ISL1: variants seen among roughly 807,000 people sequenced by gnomAD.
ISL1 encodes insulin gene enhancer protein ISL-1.
A neutral mutation model predicts 35.3 loss-of-function variants in ISL1; 4 were observed. That is an observed-to-expected ratio of 0.11 (90% CI 0.06 to 0.26). The LOEUF is 0.26. Among genes scored for constraint, ISL1 ranks in the 10% least tolerant of loss-of-function variants. The probability of loss-of-function intolerance (pLI) is 1.00; values close to 1 mark genes in which losing one functional copy is unlikely to be tolerated. For missense variants in ISL1, 340 were observed against 472.8 expected (o/e 0.72, Z 2.60); for synonymous variants, 186 against 172.3 (o/e 1.08, Z -0.62).
At chr5:51,384,872 GT>G in intron 2 of ISL1, 142 bp downstream of exon 2, 1 of 785,812 alleles carries the variant, frequency 1.3e-6, no homozygotes, top group Non-Finnish European at 2.2e-6. Flanking sequence ...CTGTACATGT[GT>G]TAAAAAAATC....
At position 51,393,616 on chromosome 5, in the gene ISL1, A is replaced by G; in HGVS notation, c.*6A>G. 6.6e-7 allele frequency: 1 copy of G among 1,524,024 alleles called. No homozygotes were observed. Among genetic ancestry groups the G allele is most frequent in the South Asian group, 1.1e-5 (1 of 89,320 alleles). The allele number at this position is 1,524,024 out of a possible 1,614,324, so 94.4% of individuals were successfully genotyped here. Reference sequence around the variant, plus strand: ...CCAGTCCTATTGAGGCATGAGGAACATTCATTCTGTATTTTTTTTCCCTGT... The same window carrying G: ...CCAGTCCTATTGAGGCATGAGGAACGTTCATTCTGTATTTTTTTTCCCTGT... On this transcript the variant is annotated 3_prime_UTR_variant, in exon 6 of 6. Transcript: ENST00000230658.
Position 51,393,825 on chromosome 5 carries a change from CAA to C in ISL1, c.*218_*219del. Reference sequence around the variant, plus strand: ...GATTTTACTAGAATTAAACAACAAACAAAACGCAAAACCCAGTATATGCTATT... The same window carrying C: ...GATTTTACTAGAATTAAACAACAAACAACGCAAAACCCAGTATATGCTATT... On this transcript the variant is annotated 3_prime_UTR_variant, in exon 6 of 6. Transcript: ENST00000230658. 1 of 596,420 alleles carries C rather than the reference CAA, an allele frequency of 1.7e-6. No homozygotes were observed. 36.9% of individuals were successfully genotyped at this position (596,420 alleles called of 1,614,324 possible). A position where few individuals can be genotyped will look rare whatever the true frequency, so the allele number is the denominator to read the frequency against.
At chr5:51,390,636 C>CCTTTTTTTTTTTTTTTTTTTTTTTTTTTT (rs1747475980) in intron 4 of ISL1, among the ~76,000 whole-genome samples, 2 of 74,328 alleles carry the variant, frequency 2.7e-5, no homozygotes, top group African/African-American at 8.5e-5. Flanking sequence ...TCTTTTCTTT[C>CCTTTTTTTTTTTTTTTTTTTTTTTTTTTT]TTTTTCTTTT....
Position 51,393,570 on chromosome 5 carries a change from A to G in ISL1, c.1010A>G (p.Asp337Gly). 2 of 1,613,250 alleles carry G rather than the reference A, an allele frequency of 1.2e-6. No homozygotes were observed. Among genetic ancestry groups the G allele is most frequent in the Non-Finnish European group, 1.7e-6 (2 of 1,179,182 alleles). The change falls in exon 6 of 6, where the codon GAT (aspartate) becomes GGT (glycine). Residue 337 changes from aspartate (D) to glycine (G), a missense_variant. Transcript: ENST00000230658. ...EVASMSSQLP[D>G]TPNSMVASPI... ...GCATCAATGTCCTCTCAACTTCCAG[A>G]TACACCTAACAGCATGGTAGCCAGT...
chr5:51,391,685 C>T (rs1747519447), intron 5 of ISL1, among the ~76,000 whole-genome samples: 1 of 151,772 alleles, frequency 6.6e-6, no homozygotes, highest in Admixed American at 6.6e-5. Context: ...ATCAATCAGG[C>T]CTTCTTTGAA....
chr5:51,384,401 TC>T, intron 1 of ISL1, 139 bp from the exon 2 acceptor site: 8 of 676,842 alleles, frequency 1.2e-5, no homozygotes, highest in Non-Finnish European at 1.7e-5. Flanking sequence ...AGTGCAATGC[TC>T]TAAAAAAAAA....
rs1747475980 is a variant in ISL1, at chr5:51,390,636, C to CCTTTTTTTTTTT, written c.766-638_766-637insCTTTTTTTTTTT. The stretch of plus-strand genomic sequence containing the variant: ...TTTTCTTCCTTTTTTTCTTTTCTTT[C>CCTTTTTTTTTTT]TTTTTCTTTTTTTTTTTTTTTTTTT... On this transcript the variant is annotated intron_variant, in intron 4 of 5. Transcript: ENST00000230658. Among the ~76,000 whole-genome samples, 14 of 74,330 alleles carry CCTTTTTTTTTTT rather than the reference C, an allele frequency of 1.9e-4. 1 individual carries two copies. Among genetic ancestry groups the CCTTTTTTTTTTT allele is most frequent in the African/African-American group, 5.5e-4 (13 of 23,674 alleles). 48.8% of individuals were successfully genotyped at this position (74,330 alleles called of 152,430 possible).
chr5:51,393,667 C>G lies in ISL1; in HGVS notation c.*57C>G. 9.2e-7 allele frequency: 1 copy of G among 1,092,026 alleles called. No individual in the cohort carries two copies. The highest frequency in any genetic ancestry group is 1.2e-5 in the South Asian group (1 of 80,634). 67.6% of individuals were successfully genotyped at this position (1,092,026 alleles called of 1,614,324 possible). A position where few individuals can be genotyped will look rare whatever the true frequency, so the allele number is the denominator to read the frequency against. ...TGGAGAAAGTGGGAAATTATAATGT[C>G]GAACTCTGAAACAAAAGTATTTAAC... is the stretch of plus-strand genomic sequence containing the variant. On this transcript the variant is annotated 3_prime_UTR_variant, in exon 6 of 6. Transcript: ENST00000230658.
rs1268118841 is a variant in ISL1 at position 51,393,870 on chromosome 5, C to T, written c.*260C>T. On this transcript the variant is annotated 3_prime_UTR_variant, in exon 6 of 6. Coordinates refer to ENST00000230658, the MANE Select transcript of ISL1 (RefSeq NM_002202.3). ...ATGCTATTCAATGATCTTAGAAGTACTGAAAAAAAAAGACGTTTTTAAAAC... is the reference window on the plus strand; with the variant it reads ...ATGCTATTCAATGATCTTAGAAGTATTGAAAAAAAAAGACGTTTTTAAAAC... 2 of 482,450 alleles carry T rather than the reference C, an allele frequency of 4.1e-6. No homozygotes were observed. The highest frequency in any genetic ancestry group is 7.2e-5 in the Admixed American group (2 of 27,910). The allele number at this position is 482,450 out of a possible 1,614,324, so 29.9% of individuals were successfully genotyped here.
Position 51,383,572 on chromosome 5 carries a change from A to C in ISL1, c.-100A>C. 1 of 1,040,042 alleles carries C rather than the reference A, an allele frequency of 9.6e-7. No homozygotes were observed. The highest frequency in any genetic ancestry group is 1.3e-5 in the South Asian group (1 of 79,542). The allele number at this position is 1,040,042 out of a possible 1,614,324, so 64.4% of individuals were successfully genotyped here. A position where few individuals can be genotyped will look rare whatever the true frequency, so the allele number is the denominator to read the frequency against. ...TTCAGCATTGGCAACCCCAGGGGCC[A>C]ATATTTCCCACTTAGCCACAGCTCC... is the stretch of plus-strand genomic sequence containing the variant. On this transcript the variant is annotated 5_prime_UTR_variant, in exon 1 of 6. Transcript: ENST00000230658.
chr5:51,386,468 C>A (rs1231288369), intron 2 of ISL1: 1 of 421,962 alleles, frequency 2.4e-6, no homozygotes, highest in Admixed American at 2.8e-5. Flanking sequence ...CCACATCTCT[C>A]CTTGGAGAAG....
At chr5:51,390,043 G>GATTGA in intron 4 of ISL1, 111 bp downstream of exon 4, 4 of 1,304,396 alleles carry the variant, frequency 3.1e-6, no homozygotes, top group Non-Finnish European at 4.2e-6. Context: ...TCCTGGGCAG[G>GATTGA]AGTTTGGCCG....
chr5:51,383,957 T>C (rs1747275947), intron 1 of ISL1, among the ~76,000 whole-genome samples: 4 of 152,190 alleles, frequency 2.6e-5, no homozygotes, highest in African/African-American at 9.7e-5. Flanking sequence ...AAGCGGTGAT[T>C]TCCTCCTGGG....
rs953813410 is a variant in ISL1 at position 51,384,455 on chromosome 5, C to T, written c.29-86C>T. 6.7e-6 allele frequency: 8 copies of T among 1,191,090 alleles called. No homozygotes were observed. In the African/African-American group the frequency reaches 7.6e-5, roughly 11 times the overall value. 73.8% of individuals were successfully genotyped at this position (1,191,090 alleles called of 1,614,324 possible). A position where few individuals can be genotyped will look rare whatever the true frequency, so the allele number is the denominator to read the frequency against. On this transcript the variant is annotated intron_variant, in intron 1 of 5. Transcript: ENST00000230658. ...AGAAAGAAAAAAACCTCCCAGAGTA[C>T]GCCCTATAAGAGAACGACACTAAAA... is the stretch of plus-strand genomic sequence containing the variant.
chr5:51,388,243 ATTT>A (rs201515157), intron 3 of ISL1, among the ~76,000 whole-genome samples: 1 of 151,400 alleles, frequency 6.6e-6, no homozygotes, highest in Admixed American at 6.6e-5. Flanking sequence ...CACACTCGAA[ATTT>A]TTTTTTTAAT....
rs1747268026 is a variant in ISL1, at chr5:51,383,692, A to G, written c.21A>G (p.Pro7=). 8 of 1,611,434 alleles carry G rather than the reference A, an allele frequency of 5.0e-6. No individual in the cohort carries two copies. The highest frequency in any genetic ancestry group is 1.3e-5 in the African/African-American group (1 of 74,862). MGDMGD[P]PKKKRLISLC... Reference sequence around the variant, plus strand: ...CAGATATGGGAGACATGGGAGATCCACCAAAAAGTAAGAGGCTATTTTACC... The same window carrying G: ...CAGATATGGGAGACATGGGAGATCCGCCAAAAAGTAAGAGGCTATTTTACC... Residue 7 remains proline, a synonymous_variant, in exon 1 of 6, where the codon CCA becomes CCG. Coordinates refer to ENST00000230658, the MANE Select transcript of ISL1 (RefSeq NM_002202.3).
At position 51,383,596 on chromosome 5, in the gene ISL1, C is replaced by CTTAG; in HGVS notation, c.-76_-75insTTAG. 8.1e-7 allele frequency: 1 copy of CTTAG among 1,241,824 alleles called. No individual in the cohort carries two copies. The highest frequency in any genetic ancestry group is 1.2e-6 in the Non-Finnish European group (1 of 839,820). 76.9% of individuals were successfully genotyped at this position (1,241,824 alleles called of 1,614,324 possible). ...CAATATTTCCCACTTAGCCACAGCT[C>CTTAG]CAGCATCCTCTCTGTGGGCTGTTCA... On this transcript the variant is annotated 5_prime_UTR_variant, in exon 1 of 6. Coordinates refer to ENST00000230658, the MANE Select transcript of ISL1 (RefSeq NM_002202.3).
chr5:51,389,755 G>A lies in ISL1; in HGVS notation c.588G>A (p.Leu196=), dbSNP rs752292354. The change falls in exon 4 of 6, where the codon TTG becomes TTA. Residue 196 remains leucine (L), a synonymous_variant. Coordinates refer to ENST00000230658, the MANE Select transcript of ISL1 (RefSeq NM_002202.3). The surrounding 1 kb of genome is among the most constrained non-coding windows in gnomAD (Gnocchi z 5.0). The part of the protein sequence containing the change: ...TVLNEKQLHT[L]RTCYAANPRP... ...TGAACGAGAAGCAGCTGCACACCTTGCGGACCTGCTACGCCGCAAACCCGC... is the reference window on the plus strand; with the variant it reads ...TGAACGAGAAGCAGCTGCACACCTTACGGACCTGCTACGCCGCAAACCCGC... 6.2e-7 allele frequency: 1 copy of A among 1,614,178 alleles called. No homozygotes were observed. Among genetic ancestry groups the A allele is most frequent in the South Asian group, 1.1e-5 (1 of 91,086 alleles).
intron 4 of ISL1, among the ~76,000 whole-genome samples, 173 bp from the exon 5 acceptor site, chr5:51,391,101 A>G (rs1387385786): frequency 6.6e-6 from 1 of 152,202 alleles, no homozygotes; most frequent in Non-Finnish European, 1.5e-5. Flanking sequence ...ACAAAACAAT[A>G]AAACAAATTG....
Sources: allele counts gnomAD v4.1 joint callset (sites outside exome capture counted in the v4.1 genomes callset), GRCh38; gene constraint gnomAD v4.1.1; non-coding constraint Gnocchi (gnomAD v3.1); transcripts MANE v1.5; gene names NCBI Gene and HGNC (gene_info 2026-07-23, HGNC 2026-07-21).